The following RANBP2 variants were observed in gnomAD, a reference collection of about 807,000 sequenced individuals.
The protein encoded by RANBP2 is RAN binding protein 2, also known as E3 SUMO-protein ligase RanBP2.
A neutral mutation model predicts 303.6 loss-of-function variants in RANBP2; 57 were observed. The observed-to-expected ratio is 0.19, with a 90% CI of 0.15 to 0.23. The LOEUF is 0.23. Among genes scored for constraint, RANBP2 ranks in the 10% least tolerant of loss-of-function variants. The pLI is 1.00. For missense variants in RANBP2, 3,138 were observed against 3,780.8 expected (o/e 0.83, Z 4.46); for synonymous variants, 1,167 against 1,301.5 (o/e 0.90, Z 2.23).
At chr2:108,971,626 G>C in the RANBP2 span, among the ~76,000 whole-genome samples, 1 of 152,180 alleles carries the variant, frequency 6.6e-6, no homozygotes, top group Admixed American at 6.5e-5. Context: ...ATTAGAGATA[G>C]GATCAGCTCT....
the RANBP2 span, among the ~76,000 whole-genome samples, chr2:109,156,834 T>C: frequency 5.3e-5 from 8 of 152,324 alleles, no homozygotes; most frequent in South Asian, 1.7e-3. Flanking sequence ...AGTTTAAAAC[T>C]AGACCTACTC....
the RANBP2 span, among the ~76,000 whole-genome samples, chr2:109,578,424 A>G: frequency 3.3e-5 from 5 of 152,312 alleles, no homozygotes; most frequent in African/African-American, 1.2e-4. Context: ...CGTAATAATA[A>G]AAGTGTCAAT....
the RANBP2 span, among the ~76,000 whole-genome samples, chr2:108,913,646 C>A: frequency 7.2e-5 from 11 of 151,958 alleles, no homozygotes; most frequent in East Asian, 2.1e-3. Flanking sequence ...GGGAAGGAGG[C>A]TGGTGATAAA....
At chr2:108,992,301 G>A in the RANBP2 span, among the ~76,000 whole-genome samples, 733 of 152,262 alleles carry the variant, frequency 4.8e-3, 6 homozygotes, top group African/African-American at 0.017. Context: ...AGTCAAAATC[G>A]CTGGCCTCAA....
the RANBP2 span, among the ~76,000 whole-genome samples, chr2:109,536,061 G>T: frequency 3.2e-5 from 4 of 124,442 alleles, no homozygotes; most frequent in Non-Finnish European, 6.7e-5. Flanking sequence ...GTGGGGGGGG[G>T]GTCTCTCATG....
chr2:109,308,058 A>G, the RANBP2 span, among the ~76,000 whole-genome samples: 2 of 147,158 alleles, frequency 1.4e-5, no homozygotes, highest in Non-Finnish European at 3.0e-5. Flanking sequence ...AAGTGTTCCT[A>G]TTTCTCCACA....
the RANBP2 span, among the ~76,000 whole-genome samples, chr2:108,831,699 A>ATCTTCCTTCCTT: frequency 1.9e-5 from 1 of 51,534 alleles, no homozygotes; most frequent in Non-Finnish European, 3.7e-5. Context: ...GTGGCACAGA[A>ATCTTCCTTCCTT]TCTTCCTTCC....
chr2:109,309,466 ACAT>A, the RANBP2 span, among the ~76,000 whole-genome samples: 3 of 129,512 alleles, frequency 2.3e-5, no homozygotes, highest in Non-Finnish European at 4.7e-5. Flanking sequence ...TCACTAGCTA[ACAT>A]CATAATGACA....
the RANBP2 span, among the ~76,000 whole-genome samples, chr2:108,958,917 C>A: frequency 1.2e-4 from 19 of 152,254 alleles, no homozygotes; most frequent in Non-Finnish European, 2.1e-4. Context: ...CATGAGAGAA[C>A]CTGGGAGCCA....
At chr2:108,919,064 T>A in the RANBP2 span, among the ~76,000 whole-genome samples, 1 of 151,958 alleles carries the variant, frequency 6.6e-6, no homozygotes, top group Admixed American at 6.6e-5. Flanking sequence ...GCTCAGCGGG[T>A]CCCTGGAGAT....
chr2:108,748,614 T>C (rs934841172), intron 8 of RANBP2, among the ~76,000 whole-genome samples: 3 of 152,180 alleles, frequency 2.0e-5, no homozygotes, highest in African/African-American at 7.2e-5. Context: ...TTTGTCCCTG[T>C]TCTCCTATGG....
chr2:109,425,176 C>T, the RANBP2 span, among the ~76,000 whole-genome samples: 4 of 152,272 alleles, frequency 2.6e-5, no homozygotes, highest in Non-Finnish European at 5.9e-5. Context: ...TCTTCAACTC[C>T]GTGAATGCTG....
At chr2:108,907,729 G>T in the RANBP2 span, 28 of 1,023,922 alleles carry the variant, frequency 2.7e-5, no homozygotes, top group Non-Finnish European at 4.1e-5. Context: ...CACTGTCCAG[G>T]TCTCCTATCT....
At chr2:108,878,107 A>G in the RANBP2 span, among the ~76,000 whole-genome samples, 1 of 152,236 alleles carries the variant, frequency 6.6e-6, no homozygotes, top group South Asian at 2.1e-4. Flanking sequence ...CAACTAAGAG[A>G]TGAAAGAAAA....
At chr2:109,222,824 A>G in the RANBP2 span, among the ~76,000 whole-genome samples, 1 of 152,310 alleles carries the variant, frequency 6.6e-6, no homozygotes, top group Admixed American at 6.5e-5. Context: ...AATAAAGCAC[A>G]TTTTCCAGTT....
chr2:109,007,367 A>G, the RANBP2 span, among the ~76,000 whole-genome samples: 14 of 152,228 alleles, frequency 9.2e-5, no homozygotes, highest in African/African-American at 3.4e-4. Flanking sequence ...TGCTGGGTGT[A>G]TGGCTGTTTG....
chr2:109,113,071 G>A, the RANBP2 span, among the ~76,000 whole-genome samples: 2 of 152,168 alleles, frequency 1.3e-5, no homozygotes, highest in African/African-American at 4.8e-5. Flanking sequence ...GTAGTGTGAT[G>A]CCTCCAGCTT....
chr2:108,939,036 C>T, the RANBP2 span, among the ~76,000 whole-genome samples: 1 of 151,786 alleles, frequency 6.6e-6, no homozygotes, highest in Non-Finnish European at 1.5e-5. Context: ...CCTCAGCCTC[C>T]CAAAGTGCTG....
the RANBP2 span, among the ~76,000 whole-genome samples, chr2:109,000,682 A>G: frequency 6.6e-6 from 1 of 152,222 alleles, no homozygotes; most frequent in East Asian, 1.9e-4. Flanking sequence ...AGAGATAATA[A>G]CAACATATAA....
Sources: gnomAD v4.1 joint callset for allele counts (sites outside exome capture counted in the v4.1 genomes callset) on GRCh38, gnomAD v4.1.1 for gene constraint, MANE v1.5 for transcripts, NCBI Gene and HGNC (gene_info 2026-07-23, HGNC 2026-07-21) for gene names.